Variants in HDAC9 observed in about 807,000 individuals in gnomAD.
The protein encoded by HDAC9 is MEF-2 interacting transcription repressor (MITR) protein.
A neutral mutation model predicts 139.4 loss-of-function variants in HDAC9; 41 were observed. The observed-to-expected ratio is 0.29, with a 90% CI of 0.23 to 0.38. The LOEUF (loss-of-function observed/expected upper bound fraction) is 0.38, where lower values mean the gene tolerates loss of function less well. HDAC9 is among the 10% of genes least tolerant of loss of function. The pLI is 1.00. For missense variants in HDAC9, 1,147 were observed against 1,297.0 expected (o/e 0.88, Z 1.78); for synonymous variants, 517 against 476.2 (o/e 1.09, Z -1.12).
intron 12 of HDAC9, among the ~76,000 whole-genome samples, chr7:18,714,403 G>C (rs919346407): frequency 2.0e-5 from 3 of 152,186 alleles, no homozygotes; most frequent in African/African-American, 7.2e-5. Flanking sequence ...TTGCTGTTAG[G>C]CTTGAGAGTC....
chr7:18,724,701 G>A (rs750919732), intron 12 of HDAC9, among the ~76,000 whole-genome samples: 1 of 152,140 alleles, frequency 6.6e-6, no homozygotes, highest in African/African-American at 2.4e-5. Flanking sequence ...TCTGGGCCCA[G>A]TGTCATATAT....
chr7:18,586,386 C>A (rs1177094275), intron 3 of HDAC9, among the ~76,000 whole-genome samples: 1 of 151,904 alleles, frequency 6.6e-6, no homozygotes, highest in Non-Finnish European at 1.5e-5. Flanking sequence ...AGATTTACAA[C>A]AAAAATTTTA....
At chr7:18,795,257 T>TAAAAAAAAAAAAAA (rs5882676) in intron 17 of HDAC9, among the ~76,000 whole-genome samples, 21 of 65,498 alleles carry the variant, frequency 3.2e-4, no homozygotes, top group African/African-American at 1.2e-3. Flanking sequence ...AAGAAAACAG[T>TAAAAAAAAAAAAAA]AAAAAAAAAA....
intron 22 of HDAC9, among the ~76,000 whole-genome samples, chr7:18,932,880 G>GAAAGAAAGAAAGAAA (rs1554405266): frequency 4.6e-5 from 7 of 151,676 alleles, no homozygotes; most frequent in South Asian, 2.1e-4. Context: ...AAGAAAGAAA[G>GAAAGAAAGAAAGAAA]GATGTCCTGA....
chr7:18,573,674 A>G (rs1465004938), intron 2 of HDAC9, among the ~76,000 whole-genome samples: 1 of 152,232 alleles, frequency 6.6e-6, no homozygotes, highest in Non-Finnish European at 1.5e-5. Context: ...GTGGTGGGGC[A>G]GGCAGCTCCA....
At chr7:18,895,048 TGA>T (rs1324984265) in intron 22 of HDAC9, among the ~76,000 whole-genome samples, 3 of 152,024 alleles carry the variant, frequency 2.0e-5, no homozygotes, top group Non-Finnish European at 2.9e-5. Context: ...CTTGAAAACA[TGA>T]GAGAAGGTAT....
At chr7:18,571,195 A>C (rs889649874) in intron 2 of HDAC9, among the ~76,000 whole-genome samples, 4 of 152,274 alleles carry the variant, frequency 2.6e-5, no homozygotes, top group African/African-American at 9.6e-5. Context: ...AATTGTATGT[A>C]CAAAGTATAA....
chr7:18,735,936 A>G (rs1786849324), intron 13 of HDAC9, among the ~76,000 whole-genome samples: 1 of 152,226 alleles, frequency 6.6e-6, no homozygotes. Flanking sequence ...GCTCTCCTTG[A>G]AGAGGTGTTT....
chr7:18,970,471 A>G (rs1011386415), intron 24 of HDAC9, among the ~76,000 whole-genome samples: 3 of 152,210 alleles, frequency 2.0e-5, no homozygotes, highest in Non-Finnish European at 4.4e-5. Context: ...TTTCCAAAAC[A>G]TATAATTTTT....
At chr7:18,897,699 A>G (rs1010261294) in intron 22 of HDAC9, among the ~76,000 whole-genome samples, 1 of 151,898 alleles carries the variant, frequency 6.6e-6, no homozygotes, top group African/African-American at 2.4e-5. Context: ...GAGTCTACTT[A>G]AAGATTTTAT....
intron 2 of HDAC9, among the ~76,000 whole-genome samples, chr7:18,268,949 G>A (rs1377247214): frequency 1.3e-5 from 2 of 152,190 alleles, no homozygotes; most frequent in East Asian, 3.8e-4. Flanking sequence ...TTGAACAAAT[G>A]GAAGACTAAA....
chr7:18,715,469 C>T (rs1427964785), intron 12 of HDAC9, among the ~76,000 whole-genome samples: 1 of 152,086 alleles, frequency 6.6e-6, no homozygotes, highest in African/African-American at 2.4e-5. Context: ...TAAAGTCAAA[C>T]TTTTCTTGAG....
rs1279429358 is a variant in HDAC9, at chr7:18,954,132, T to C, written c.2938-14T>C. On this transcript the variant is annotated splice_polypyrimidine_tract_variant and intron_variant, in intron 23 of 25. Transcript: ENST00000686413. ...ATAATATTCTGCTCATACTATTATC[T>C]ACTATTCTTGCAGCTGGAGCCACTT... 2.6e-6 allele frequency: 4 copies of C among 1,525,372 alleles called. No homozygotes were observed. Among genetic ancestry groups the C allele is most frequent in the Non-Finnish European group, 3.6e-6 (4 of 1,119,008 alleles). 94.5% of individuals were successfully genotyped at this position (1,525,372 alleles called of 1,614,324 possible). A position where few individuals can be genotyped will look rare whatever the true frequency, so the allele number is the denominator to read the frequency against.
At chr7:18,624,477 C>A (rs1841100843) in intron 6 of HDAC9, among the ~76,000 whole-genome samples, 5 of 152,072 alleles carry the variant, frequency 3.3e-5, no homozygotes, top group Admixed American at 3.3e-4. Flanking sequence ...AAAAAGCTTG[C>A]CTTCTGTTTC....
At chr7:18,168,357 T>C (rs1334927241) in intron 2 of HDAC9, among the ~76,000 whole-genome samples, 1 of 152,210 alleles carries the variant, frequency 6.6e-6, no homozygotes, top group Non-Finnish European at 1.5e-5. Flanking sequence ...GGTTGATAAA[T>C]ACTTGTTTTA....
intron 22 of HDAC9, among the ~76,000 whole-genome samples, chr7:18,927,050 A>C (rs1042631723): frequency 1.2e-4 from 19 of 152,222 alleles, no homozygotes; most frequent in African/African-American, 4.3e-4. Context: ...TCTTAACATG[A>C]AATGAATCTT....
At chr7:18,307,796 C>T (rs1460787828) in intron 1 of HDAC9, among the ~76,000 whole-genome samples, 3 of 152,056 alleles carry the variant, frequency 2.0e-5, no homozygotes, top group African/African-American at 4.8e-5. Flanking sequence ...GAGTGAGACT[C>T]TGTCCCAAAT....
At chr7:18,110,469 T>C (rs1783541564) in intron 1 of HDAC9, among the ~76,000 whole-genome samples, 1 of 152,070 alleles carries the variant, frequency 6.6e-6, no homozygotes, top group Admixed American at 6.5e-5. Flanking sequence ...CAGAGAGAAG[T>C]AATGTGCAGA....
At chr7:18,847,259 A>C (rs1414662608) in intron 21 of HDAC9, among the ~76,000 whole-genome samples, 2 of 152,212 alleles carry the variant, frequency 1.3e-5, no homozygotes, top group South Asian at 2.1e-4. Context: ...ACCGTTACGC[A>C]CATACATTCC....
Sources: gnomAD v4.1 joint callset for allele counts (sites outside exome capture counted in the v4.1 genomes callset) on GRCh38, gnomAD v4.1.1 for gene constraint, MANE v1.5 for transcripts, NCBI Gene and HGNC (gene_info 2026-07-23, HGNC 2026-07-21) for gene names.